The following ADAMTSL1 variants were observed in gnomAD, a reference collection of about 807,000 sequenced individuals.
ADAMTSL1 encodes ADAMTS like 1.
ADAMTSL1 carries 126 observed loss-of-function variants against 201.8 expected under a neutral mutation model. The observed-to-expected ratio is 0.62, with a 90% CI of 0.54 to 0.72. ADAMTSL1 has a LOEUF of 0.72. ADAMTSL1 is among the 30% of genes least tolerant of loss of function. ADAMTSL1 has a pLI of 0.00. For synonymous variants in ADAMTSL1, 1,121 were observed against 903.4 expected (o/e 1.24, Z -4.32); for missense variants, 2,679 against 2,277.8 (o/e 1.18, Z -3.59).
chr9:18,168,614 G>A (rs546753908), intron 2 of ADAMTSL1, among the ~76,000 whole-genome samples: 2 of 151,202 alleles, frequency 1.3e-5, no homozygotes, highest in South Asian at 4.2e-4. Context: ...ATAGCAGCAT[G>A]ATTTATAATC....
intron 1 of ADAMTSL1, among the ~76,000 whole-genome samples, chr9:18,099,178 A>C (rs897458492): frequency 6.7e-6 from 1 of 150,262 alleles, no homozygotes; most frequent in African/African-American, 2.4e-5. Flanking sequence ...TGCTGGATGT[A>C]AAAGCTTTGG....
chr9:18,093,412 C>T (rs1333691633), intron 1 of ADAMTSL1, among the ~76,000 whole-genome samples: 1 of 152,096 alleles, frequency 6.6e-6, no homozygotes, highest in Admixed American at 6.6e-5. Flanking sequence ...GTGTATTCCC[C>T]CTACTCTGTA....
chr9:18,133,428 A>G (rs1331094), intron 1 of ADAMTSL1, among the ~76,000 whole-genome samples: 66,808 of 152,004 alleles, frequency 0.44, 15,896 homozygotes, highest in Non-Finnish European at 0.53. Flanking sequence ...TCTGGGCTAA[A>G]CATTTTCATA....
intron 2 of ADAMTSL1, among the ~76,000 whole-genome samples, chr9:18,285,979 G>A (rs913410430): frequency 1.3e-5 from 2 of 151,902 alleles, no homozygotes; most frequent in African/African-American, 2.4e-5. Flanking sequence ...AAAGAAACTC[G>A]ATAGCAGTCA....
intron 2 of ADAMTSL1, among the ~76,000 whole-genome samples, chr9:18,335,538 G>A (rs1320758458): frequency 1.3e-5 from 2 of 152,086 alleles, no homozygotes. Flanking sequence ...CTAGTTTTCT[G>A]AGGACAGATG....
chr9:18,583,016 T>C (rs149713332), intron 4 of ADAMTSL1, among the ~76,000 whole-genome samples: 1,789 of 152,250 alleles, frequency 0.012, 19 homozygotes, highest in Non-Finnish European at 0.018. Flanking sequence ...CACATGAAAC[T>C]GTAAGTCTAA....
At position 18,706,923 on chromosome 9, in the gene ADAMTSL1, G is replaced by T; in HGVS notation, c.1751G>T (p.Ser584Ile). Residue 584 changes from serine to isoleucine, a missense_variant, in exon 14 of 29, where the codon AGC becomes ATC. Transcript: ENST00000380548. ...SQRACYAGPC[S>I]GEIPEFNPDE... ...CGTGCCTGTTATGCAGGCCCATGCA[G>T]CGGGGAAATTCCTGAGTTCAACCCA... 2 of 1,614,012 alleles carry T rather than the reference G, an allele frequency of 1.2e-6. No homozygotes were observed. Among genetic ancestry groups the T allele is most frequent in the African/African-American group, 1.3e-5 (1 of 75,060 alleles).
Position 18,721,938 on chromosome 9 carries a change from T to C in ADAMTSL1, c.2006+273T>C, listed in dbSNP as rs79750090. Among the ~76,000 whole-genome samples the C allele has an allele frequency of 5.7e-3, 868 of 152,304 alleles. 6 individuals are homozygous for C. The highest frequency in any genetic ancestry group is 8.5e-3 in the Non-Finnish European group (577 of 68,020). Reference sequence around the variant, plus strand: ...TATGTGTGTGTGCCACGCAGTTGCTTTCCCCTAAAGGGAACATGAGGTGAC... The same window carrying C: ...TATGTGTGTGTGCCACGCAGTTGCTCTCCCCTAAAGGGAACATGAGGTGAC... On this transcript the variant is annotated intron_variant, in intron 15 of 28. Coordinates refer to ENST00000380548, the MANE Select transcript of ADAMTSL1 (RefSeq NM_001040272.6).
intron 1 of ADAMTSL1, among the ~76,000 whole-genome samples, chr9:17,966,740 G>A (rs1817993595): frequency 6.6e-6 from 1 of 152,058 alleles, no homozygotes; most frequent in South Asian, 2.1e-4. Flanking sequence ...GCTACAAATG[G>A]TGATAGTCTA....
chr9:18,020,595 A>G (rs1820440055), intron 1 of ADAMTSL1, among the ~76,000 whole-genome samples: 1 of 152,062 alleles, frequency 6.6e-6, no homozygotes, highest in Non-Finnish European at 1.5e-5. Flanking sequence ...CTCACTATCA[A>G]CAGAACAGCA....
At chr9:18,094,319 T>C (rs1402105631) in intron 1 of ADAMTSL1, among the ~76,000 whole-genome samples, 1 of 152,214 alleles carries the variant, frequency 6.6e-6, no homozygotes, top group Non-Finnish European at 1.5e-5. Context: ...CGGCTTTATC[T>C]GCCTCTATCT....
intron 1 of ADAMTSL1, among the ~76,000 whole-genome samples, chr9:18,065,577 T>G (rs996818391): frequency 2.0e-5 from 3 of 152,122 alleles, no homozygotes; most frequent in African/African-American, 7.2e-5. Flanking sequence ...ATTGGAAAAA[T>G]AAACACAGGG....
At chr9:18,501,419 G>C (rs1822835857) in intron 1 of ADAMTSL1, among the ~76,000 whole-genome samples, 2 of 151,256 alleles carry the variant, frequency 1.3e-5, no homozygotes, top group African/African-American at 4.9e-5. Context: ...GCTGAGGCAG[G>C]AGGATCCCTT....
chr9:17,983,641 T>C (rs1818812325), intron 1 of ADAMTSL1, among the ~76,000 whole-genome samples: 1 of 152,222 alleles, frequency 6.6e-6, no homozygotes, highest in Non-Finnish European at 1.5e-5. Context: ...TAAATAGTTT[T>C]AGAATTTATG....
Position 18,657,630 on chromosome 9 carries a change from C to T in ADAMTSL1, c.835-9C>T, listed in dbSNP as rs187650110. On this transcript the variant is annotated splice_polypyrimidine_tract_variant and intron_variant, in intron 7 of 28. Coordinates refer to ENST00000380548, the MANE Select transcript of ADAMTSL1 (RefSeq NM_001040272.6). ...CACATTACTTCTACTTTCCTGTTGA[C>T]TCCTGCAGATTCGTAACTCGGGCTC... The T allele has an allele frequency of 6.2e-7, 1 of 1,607,938 alleles. No individual in the cohort carries two copies. Among genetic ancestry groups the T allele is most frequent in the East Asian group, 2.2e-5 (1 of 44,852 alleles).
intron 1 of ADAMTSL1, among the ~76,000 whole-genome samples, chr9:17,967,389 T>C (rs1238533127): frequency 6.6e-6 from 1 of 152,166 alleles, no homozygotes; most frequent in East Asian, 1.9e-4. Context: ...TTATGTTCTT[T>C]AGATTCATCT....
chr9:18,839,605 C>A (rs1214837331), intron 23 of ADAMTSL1, among the ~76,000 whole-genome samples: 4 of 152,168 alleles, frequency 2.6e-5, no homozygotes, highest in Admixed American at 2.0e-4. Context: ...TGAGGAATGG[C>A]CACACTGCCT....
At chr9:18,285,529 T>C (rs1415908139) in intron 2 of ADAMTSL1, among the ~76,000 whole-genome samples, 1 of 152,126 alleles carries the variant, frequency 6.6e-6, no homozygotes, top group Admixed American at 6.5e-5. Context: ...ATACAATTAT[T>C]AGCTATTTAT....
chr9:18,223,730 A>AATGT (rs1459868261), intron 2 of ADAMTSL1, among the ~76,000 whole-genome samples: 6 of 152,070 alleles, frequency 3.9e-5, no homozygotes, highest in Non-Finnish European at 8.8e-5. Flanking sequence ...TAGTATATGC[A>AATGT]ATGTATCTAT....
Sources: gnomAD v4.1 joint callset for allele counts (sites outside exome capture counted in the v4.1 genomes callset) on GRCh38, gnomAD v4.1.1 for gene constraint, MANE v1.5 for transcripts, NCBI Gene and HGNC (gene_info 2026-07-23, HGNC 2026-07-21) for gene names.